The following PCDHGA1 variants were observed in gnomAD, a reference collection of about 807,000 sequenced individuals.
PCDHGA1 encodes the protein protocadherin gamma subfamily A, 1, also known as protocadherin gamma-A1.
A neutral mutation model predicts 58.0 loss-of-function variants in PCDHGA1; 32 were observed. The observed-to-expected ratio is 0.55, with a 90% confidence interval of 0.42 to 0.74. The LOEUF (loss-of-function observed/expected upper bound fraction) is 0.74. PCDHGA1 is among the 30% of genes least tolerant of loss of function. The probability of loss-of-function intolerance (pLI) is 0.00; values close to 1 mark genes in which losing one functional copy is unlikely to be tolerated. For missense variants in PCDHGA1, 1,205 were observed against 1,182.3 expected (o/e 1.02, Z -0.28); for synonymous variants, 498 against 501.1 (o/e 0.99, Z 0.08).
At chr5:141,370,481 C>G (rs1766946658) in intron 1 of PCDHGA1, 2 of 1,613,770 alleles carry the variant, frequency 1.2e-6, no homozygotes, top group African/African-American at 2.7e-5. Flanking sequence ...ACCAGGCTCT[C>G]TCCGAACCGA....
At chr5:141,492,068 G>A in intron 1 of PCDHGA1, 1 of 479,628 alleles carries the variant, frequency 2.1e-6, no homozygotes, top group Non-Finnish European at 3.7e-6. Flanking sequence ...AGCCTCCTAG[G>A]CGCCGGCTCC....
chr5:141,469,756 A>G (rs2099210350), intron 1 of PCDHGA1, among the ~76,000 whole-genome samples: 1 of 152,252 alleles, frequency 6.6e-6, no homozygotes. Context: ...ACAAAAATAC[A>G]TATATACCAG....
chr5:141,423,569 T>A, intron 1 of PCDHGA1: 2 of 1,613,480 alleles, frequency 1.2e-6, no homozygotes, highest in Non-Finnish European at 1.7e-6. Context: ...GACACGCTCA[T>A]CAGCCAGGAG....
chr5:141,361,584 C>T, intron 1 of PCDHGA1: 1 of 1,614,046 alleles, frequency 6.2e-7, no homozygotes, highest in African/African-American at 1.3e-5. Context: ...ACTTGGGCCC[C>T]AGTGGCCAAG....
intron 1 of PCDHGA1, among the ~76,000 whole-genome samples, chr5:141,462,783 T>A (rs1313584666): frequency 6.6e-6 from 1 of 152,236 alleles, no homozygotes; most frequent in Non-Finnish European, 1.5e-5. Flanking sequence ...CATAATTTGT[T>A]GCTTATTTGC....
At chr5:141,375,769 C>G in intron 1 of PCDHGA1, 2 of 1,614,238 alleles carry the variant, frequency 1.2e-6, no homozygotes, top group Non-Finnish European at 1.7e-6. Context: ...CGCCCGAGAT[C>G]CTGTACCCCG....
intron 1 of PCDHGA1, chr5:141,374,617 C>A (rs981307720): frequency 3.7e-6 from 6 of 1,613,400 alleles, no homozygotes; most frequent in African/African-American, 1.3e-5. Flanking sequence ...ATAGTCACTT[C>A]TCAGTGGACG....
At position 141,428,042 on chromosome 5, in the gene PCDHGA1, G is replaced by A; in HGVS notation, c.2422-66765G>A. The A allele has an allele frequency of 1.9e-6, 3 of 1,608,716 alleles. No individual in the cohort carries two copies. The South Asian group carries it at 3.3e-5, about 18-fold the overall frequency. On this transcript the variant is annotated intron_variant, in intron 1 of 3. Transcript: ENST00000517417. ...GCGCCGCAGAGTCCGGCTACCTGGT[G>A]ACCAAGGTGGTGGCGGTGGACGCAG...
intron 1 of PCDHGA1, chr5:141,391,730 G>T (rs1334378138): frequency 1.3e-5 from 2 of 152,140 alleles, no homozygotes; most frequent in African/African-American, 4.8e-5. Flanking sequence ...AGACTTTTTT[G>T]TAGTCATACT....
At chr5:141,468,668 C>T (rs993230755) in intron 1 of PCDHGA1, 1 of 149,910 alleles carries the variant, frequency 6.7e-6, no homozygotes, top group Admixed American at 6.7e-5. Context: ...AGATCAAGAC[C>T]ATCCTGGCTA....
chr5:141,400,372 A>T, intron 1 of PCDHGA1: 1 of 1,613,980 alleles, frequency 6.2e-7, no homozygotes, highest in South Asian at 1.1e-5. Flanking sequence ...TTATTCCTAC[A>T]ACCTATGTGT....
intron 1 of PCDHGA1, chr5:141,471,430 G>A (rs2099257545): frequency 6.6e-6 from 1 of 152,140 alleles, no homozygotes; most frequent in South Asian, 2.1e-4. Flanking sequence ...CAAGGAAAGT[G>A]TATAATCTCA....
chr5:141,509,516 T>C (rs2099877144), intron 3 of PCDHGA1, among the ~76,000 whole-genome samples: 1 of 152,130 alleles, frequency 6.6e-6, no homozygotes, highest in Non-Finnish European at 1.5e-5. Context: ...GTGTTGATGA[T>C]GTATTGCACA....
At chr5:141,427,599 C>T (rs1233253295) in intron 1 of PCDHGA1, 3 of 682,980 alleles carry the variant, frequency 4.4e-6, no homozygotes, top group South Asian at 3.0e-5. Flanking sequence ...CCTCACCCTA[C>T]GCATTGGTGA....
chr5:141,356,912 G>C (rs376285031), intron 1 of PCDHGA1: 48 of 1,614,012 alleles, frequency 3.0e-5, no homozygotes, highest in Non-Finnish European at 3.5e-5. Context: ...CCTACTGATG[G>C]CTCCACTGGT....
chr5:141,338,951 G>C, intron 1 of PCDHGA1: 1 of 1,524,418 alleles, frequency 6.6e-7, no homozygotes. Flanking sequence ...TTGACTCGGA[G>C]AAAATTGCGA....
chr5:141,424,246 A>G (rs971050268), intron 1 of PCDHGA1: 2 of 154,772 alleles, frequency 1.3e-5, no homozygotes, highest in African/African-American at 4.8e-5. Context: ...GTGGCTGGTA[A>G]TATGCTTAGA....
At chr5:141,405,498 C>T in intron 1 of PCDHGA1, 2 of 784,948 alleles carry the variant, frequency 2.5e-6, no homozygotes, top group Admixed American at 2.7e-5. Flanking sequence ...CGGCTCATTG[C>T]AACCTCCGCC....
At chr5:141,356,338 G>T in intron 1 of PCDHGA1, 2 of 1,554,674 alleles carry the variant, frequency 1.3e-6, no homozygotes, top group Non-Finnish European at 1.7e-6. Flanking sequence ...AGGAGGAAAT[G>T]GCCTAGTCAC....
Sources: gnomAD v4.1 joint callset for allele counts (sites outside exome capture counted in the v4.1 genomes callset) on GRCh38, gnomAD v4.1.1 for gene constraint, MANE v1.5 for transcripts, NCBI Gene and HGNC (gene_info 2026-07-23, HGNC 2026-07-21) for gene names.